DNER: variants seen among roughly 807,000 people sequenced by gnomAD.
The protein encoded by DNER is delta and Notch-like epidermal growth factor-related receptor.
DNER carries 33 observed loss-of-function variants against 78.2 expected under a neutral mutation model. That is an observed-to-expected ratio of 0.42 (90% CI 0.32 to 0.56). The LOEUF is 0.56. Among genes scored for constraint, DNER ranks in the 20% least tolerant of loss-of-function variants. The pLI, the probability that DNER is intolerant of heterozygous loss-of-function variation, is 0.11. For synonymous variants in DNER, 417 were observed against 384.8 expected, an observed-to-expected ratio of 1.08 and a Z score of -0.98; for missense variants, 918 against 975.3, an observed-to-expected ratio of 0.94 and a Z score of 0.78.
At chr2:229,444,395 T>A (rs1353401832) in intron 8 of DNER, among the ~76,000 whole-genome samples, 1 of 152,172 alleles carries the variant, frequency 6.6e-6, no homozygotes, top group Non-Finnish European at 1.5e-5. Flanking sequence ...CCTATGGTTT[T>A]AGTCAATAAG....
intron 1 of DNER, among the ~76,000 whole-genome samples, chr2:229,711,583 A>G (rs1253133166): frequency 1.3e-5 from 2 of 152,216 alleles, no homozygotes; most frequent in Non-Finnish European, 2.9e-5. Context: ...CCTAATTCGT[A>G]GTTTATGATT....
chr2:229,661,481 T>C (rs1038881895), intron 1 of DNER, among the ~76,000 whole-genome samples: 2 of 152,140 alleles, frequency 1.3e-5, no homozygotes, highest in Non-Finnish European at 2.9e-5. Context: ...CATTAGGAAT[T>C]AACCTCCTTA....
chr2:229,595,081 C>T (rs898556415), intron 1 of DNER, among the ~76,000 whole-genome samples: 4 of 151,806 alleles, frequency 2.6e-5, no homozygotes, highest in Admixed American at 6.6e-5. Context: ...CAAAAAGCAC[C>T]TAGTCCTACC....
At chr2:229,541,399 A>G (rs1168723449) in intron 5 of DNER, among the ~76,000 whole-genome samples, 1 of 152,190 alleles carries the variant, frequency 6.6e-6, no homozygotes, top group East Asian at 1.9e-4. Flanking sequence ...ATTTGGTCAA[A>G]CATCATTCTG....
At position 229,712,257 on chromosome 2, in the gene DNER, G is replaced by A. The variant is rs375237514; in HGVS notation, c.276+1891C>T. Among the ~76,000 whole-genome samples the A allele has an allele frequency of 1.1e-3, 167 of 152,306 alleles. 1 individual carries two copies. In the East Asian group the frequency reaches 0.016, roughly 14 times the overall value. ...TTATGTATTAGTTCCTGACTCTTCGGAATGAATTATATTATACATCAAGTC... is the reference window on the plus strand; with the variant it reads ...TTATGTATTAGTTCCTGACTCTTCGAAATGAATTATATTATACATCAAGTC... On this transcript the variant is annotated intron_variant, in intron 1 of 12. Coordinates refer to ENST00000341772, the MANE Select transcript of DNER (RefSeq NM_139072.4).
chr2:229,432,385 G>A (rs1379882651), intron 8 of DNER, among the ~76,000 whole-genome samples: 1 of 151,842 alleles, frequency 6.6e-6, no homozygotes, highest in Non-Finnish European at 1.5e-5. Flanking sequence ...GTGGGAGGGG[G>A]GAAAATCAAA....
chr2:229,462,845 A>T (rs753729112), intron 7 of DNER, among the ~76,000 whole-genome samples: 2 of 152,106 alleles, frequency 1.3e-5, no homozygotes, highest in Non-Finnish European at 2.9e-5. Flanking sequence ...AGTTTCCAGA[A>T]ATAACAAGCC....
intron 1 of DNER, among the ~76,000 whole-genome samples, chr2:229,638,760 A>C (rs1392793720): frequency 6.6e-6 from 1 of 152,228 alleles, no homozygotes; most frequent in Non-Finnish European, 1.5e-5. Context: ...TATTACTTAG[A>C]ATTATATCCT....
chr2:229,421,659 A>AGAGAGAGAGG (rs61049506), intron 8 of DNER, among the ~76,000 whole-genome samples: 87 of 144,620 alleles, frequency 6.0e-4, no homozygotes, highest in African/African-American at 1.9e-3. Flanking sequence ...AGAGAGAGAG[A>AGAGAGAGAGG]GAGAAAGTGG....
chr2:229,525,674 G>T (rs527789172), intron 5 of DNER, among the ~76,000 whole-genome samples: 2 of 152,124 alleles, frequency 1.3e-5, no homozygotes, highest in African/African-American at 4.8e-5. Context: ...GTGCAATGGC[G>T]TGAACTCGGC....
chr2:229,462,237 A>G (rs1397837580), intron 7 of DNER, among the ~76,000 whole-genome samples: 2 of 152,150 alleles, frequency 1.3e-5, no homozygotes, highest in Non-Finnish European at 2.9e-5. Context: ...TTAAATTGCA[A>G]GACAATGAAG....
At chr2:229,604,367 A>G (rs1239046845) in intron 1 of DNER, among the ~76,000 whole-genome samples, 1 of 152,234 alleles carries the variant, frequency 6.6e-6, no homozygotes, top group African/African-American at 2.4e-5. Context: ...TGTCTGAAAC[A>G]AAGAAGAGAC....
In DNER at chr2:229,584,527, C is replaced by T. The variant is rs567386292; in HGVS notation, c.847+1331G>A. Among the ~76,000 whole-genome samples, 70 of 152,226 alleles carry T rather than the reference C, an allele frequency of 4.6e-4. 1 individual carries two copies. In the South Asian group the frequency reaches 0.014, roughly 30 times the overall value. Reference sequence around the variant, plus strand: ...AAGACAACTGAAAGGACACAGAATGCTAAACTAGGGGAAAGGTGATCCTCT... The same window carrying T: ...AAGACAACTGAAAGGACACAGAATGTTAAACTAGGGGAAAGGTGATCCTCT... On this transcript the variant is annotated intron_variant, in intron 4 of 12. Transcript: ENST00000341772.
At chr2:229,710,628 A>AATTTGTTTTAAATTAT (rs1559217543) in intron 1 of DNER, among the ~76,000 whole-genome samples, 17 of 152,146 alleles carry the variant, frequency 1.1e-4, no homozygotes, top group Non-Finnish European at 2.4e-4. Context: ...ATTTTCATAT[A>AATTTGTTTTAAATTAT]CAGTTTTAAA....
At chr2:229,688,038 G>T (rs1699514981) in intron 1 of DNER, among the ~76,000 whole-genome samples, 1 of 152,220 alleles carries the variant, frequency 6.6e-6, no homozygotes, top group South Asian at 2.1e-4. Context: ...CAAACAGGTT[G>T]GCTGGAAACC....
At chr2:229,384,783 A>C (rs1692824736) in intron 11 of DNER, among the ~76,000 whole-genome samples, 1 of 152,086 alleles carries the variant, frequency 6.6e-6, no homozygotes, top group African/African-American at 2.4e-5. Flanking sequence ...CCTACAAACC[A>C]AAAAAAGCCC....
At chr2:229,534,252 A>G (rs1241803572) in intron 5 of DNER, among the ~76,000 whole-genome samples, 1 of 152,248 alleles carries the variant, frequency 6.6e-6, no homozygotes, top group African/African-American at 2.4e-5. Flanking sequence ...TATAGAGACC[A>G]ATAGATTGTA....
chr2:229,407,198 T>C (rs1693406563), intron 10 of DNER, 34 bp downstream of exon 10: 1 of 1,576,786 alleles, frequency 6.3e-7, no homozygotes, highest in Non-Finnish European at 8.7e-7. Flanking sequence ...CACTTTGTGG[T>C]AAATTTGAAA....
At position 229,567,432 on chromosome 2, in the gene DNER, G is replaced by A. The variant is rs186176683; in HGVS notation, c.847+18426C>T. ...TGAACACACAAATACAAGAGGGTAA[G>A]TGAGCTGACTATGGTGATGGCAAAT... On this transcript the variant is annotated intron_variant, in intron 4 of 12. Transcript: ENST00000341772. Among the ~76,000 whole-genome samples the A allele has an allele frequency of 2.3e-3, 351 of 152,328 alleles. 3 individuals are homozygous for A. Among genetic ancestry groups the A allele is most frequent in the Non-Finnish European group, 3.5e-3 (235 of 68,018 alleles).
Sources: allele counts gnomAD v4.1 joint callset (sites outside exome capture counted in the v4.1 genomes callset), GRCh38; gene constraint gnomAD v4.1.1; transcripts MANE v1.5; gene names NCBI Gene and HGNC (gene_info 2026-07-23, HGNC 2026-07-21).